WWOX: variants seen among roughly 807,000 people sequenced by gnomAD.
WWOX encodes WW domain-containing oxidoreductase.
In WWOX, 69 loss-of-function variants were observed where a neutral mutation model predicts 46.2. The observed-to-expected ratio is 1.49, with a 90% CI of 1.23 to 1.82. The LOEUF (loss-of-function observed/expected upper bound fraction) is 1.82, where lower values mean the gene tolerates loss of function less well. Among genes scored for constraint, WWOX ranks in the 40% most tolerant of loss-of-function variants. The pLI is 0.00. For missense variants in WWOX, 919 were observed against 542.6 expected (o/e 1.69, Z -6.89); for synonymous variants, 359 against 202.6 (o/e 1.77, Z -6.56).
At chr16:78,727,118 G>C (rs779190655) in intron 8 of WWOX, among the ~76,000 whole-genome samples, 1 of 152,222 alleles carries the variant, frequency 6.6e-6, no homozygotes, top group Non-Finnish European at 1.5e-5. Context: ...ATGAGGCCCA[G>C]TGGGGCACAG....
At chr16:78,318,435 G>C (rs1289526006) in intron 5 of WWOX, among the ~76,000 whole-genome samples, 2 of 151,856 alleles carry the variant, frequency 1.3e-5, no homozygotes, top group African/African-American at 4.8e-5. Context: ...GCGCAATTCT[G>C]TCAAAAATAA....
intron 8 of WWOX, among the ~76,000 whole-genome samples, chr16:78,680,700 C>T (rs139743803): frequency 2.0e-5 from 3 of 152,338 alleles, no homozygotes; most frequent in African/African-American, 4.8e-5. Context: ...GTGGCTCCCA[C>T]TGTGGGTAGC....
intron 8 of WWOX, among the ~76,000 whole-genome samples, chr16:78,974,014 A>G (rs1035485350): frequency 2.6e-5 from 4 of 152,228 alleles, no homozygotes; most frequent in Non-Finnish European, 5.9e-5. Context: ...CACAAAACTC[A>G]TGCAACATTT....
At chr16:78,668,562 G>A (rs192937865) in intron 8 of WWOX, among the ~76,000 whole-genome samples, 36 of 152,296 alleles carry the variant, frequency 2.4e-4, no homozygotes, top group Non-Finnish European at 3.7e-4. Flanking sequence ...GGCAAGGGGC[G>A]TGACAAAGTT....
intron 5 of WWOX, among the ~76,000 whole-genome samples, chr16:78,366,739 A>T (rs2081543728): frequency 6.6e-6 from 1 of 152,164 alleles, no homozygotes; most frequent in African/African-American, 2.4e-5. Flanking sequence ...CCCTTTAGAG[A>T]AAAGGTTTTC....
At chr16:78,864,888 G>A (rs552334956) in intron 8 of WWOX, among the ~76,000 whole-genome samples, 3 of 146,544 alleles carry the variant, frequency 2.0e-5, no homozygotes, top group South Asian at 4.4e-4. Flanking sequence ...TCAGCCCCCC[G>A]AGTAGCTGGG....
intron 4 of WWOX, among the ~76,000 whole-genome samples, chr16:78,132,970 C>G (rs2033655104): frequency 1.3e-5 from 2 of 152,182 alleles, no homozygotes; most frequent in African/African-American, 4.8e-5. Flanking sequence ...ATTTTACATT[C>G]TGTCAAGGCT....
intron 8 of WWOX, among the ~76,000 whole-genome samples, chr16:78,546,044 C>G (rs562238609): frequency 8.5e-5 from 13 of 152,240 alleles, no homozygotes; most frequent in Admixed American, 3.9e-4. Flanking sequence ...ATGCTCTATG[C>G]TGGGCACAAG....
At chr16:78,992,328 G>A (rs1360054327) in intron 8 of WWOX, among the ~76,000 whole-genome samples, 1 of 151,952 alleles carries the variant, frequency 6.6e-6, no homozygotes, top group Non-Finnish European at 1.5e-5. Flanking sequence ...TTAGCCAGGT[G>A]TGGTGGTGGG....
intron 8 of WWOX, among the ~76,000 whole-genome samples, chr16:79,208,457 A>G (rs1192524661): frequency 6.6e-6 from 1 of 152,174 alleles, no homozygotes; most frequent in Non-Finnish European, 1.5e-5. Context: ...ATTTATCACA[A>G]TGGATCAGTA....
chr16:78,706,356 C>G (rs2048328409), intron 8 of WWOX, among the ~76,000 whole-genome samples: 1 of 152,078 alleles, frequency 6.6e-6, no homozygotes, highest in South Asian at 2.1e-4. Context: ...GCCATCTTCT[C>G]TCTCTGCTGT....
chr16:78,501,619 C>G (rs1052568308), intron 8 of WWOX, among the ~76,000 whole-genome samples: 3 of 151,958 alleles, frequency 2.0e-5, no homozygotes, highest in Non-Finnish European at 2.9e-5. Context: ...TCACTGCAAC[C>G]TCTGTCTCCT....
At chr16:78,996,857 C>T (rs8060242) in intron 8 of WWOX, among the ~76,000 whole-genome samples, 151,472 of 152,336 alleles carry the variant, frequency 0.99, 75,309 homozygotes, top group East Asian at 1. Context: ...GCCTCCGACA[C>T]ATGTGCCATA....
rs556150288 is a variant in WWOX, at chr16:78,301,444, G to A, written c.517-85416G>A. ...TTTTTCATACTTTTCTTTCATTGAG[G>A]AAACTTATTGTTTTGTACATTTTGT... On this transcript the variant is annotated intron_variant, in intron 5 of 8. Transcript: ENST00000566780. Among the ~76,000 whole-genome samples the A allele has an allele frequency of 2.0e-5, 3 of 152,126 alleles. No individual in the cohort carries two copies. The South Asian group carries it at 6.3e-4, about 32-fold the overall frequency.
chr16:79,076,160 A>T (rs912454405), intron 8 of WWOX, among the ~76,000 whole-genome samples: 1 of 152,246 alleles, frequency 6.6e-6, no homozygotes, highest in African/African-American at 2.4e-5. Flanking sequence ...AAGGAATATT[A>T]TGAGGCACAT....
At position 79,212,013 on chromosome 16, in the gene WWOX, G is replaced by T; in HGVS notation, c.*217G>T. ...CTTTTCTGGGGCTGGGCTAGGCATA[G>T]GTCTCTTTGCTTTCTGGTGGTGGCC... On this transcript the variant is annotated 3_prime_UTR_variant, in exon 9 of 9. Transcript: ENST00000566780. 6.5e-7 allele frequency: 1 copy of T among 1,536,272 alleles called. No homozygotes were observed. Among genetic ancestry groups the T allele is most frequent in the Non-Finnish European group, 8.7e-7 (1 of 1,146,932 alleles).
intron 8 of WWOX, among the ~76,000 whole-genome samples, chr16:78,474,834 T>C (rs1036812074): frequency 6.6e-6 from 1 of 152,228 alleles, no homozygotes; most frequent in African/African-American, 2.4e-5. Context: ...TCACACGATA[T>C]GTGGTTCTTT....
At chr16:78,711,250 T>A (rs898731331) in intron 8 of WWOX, among the ~76,000 whole-genome samples, 1 of 152,140 alleles carries the variant, frequency 6.6e-6, no homozygotes, top group Admixed American at 6.5e-5. Context: ...ATGTTCAAAG[T>A]GATGTGGATG....
At chr16:78,486,627 T>G (rs903162283) in intron 8 of WWOX, among the ~76,000 whole-genome samples, 1 of 151,128 alleles carries the variant, frequency 6.6e-6, no homozygotes, top group Admixed American at 6.6e-5. Context: ...CAGGCTGGAG[T>G]GTAGTGGTGT....
Sources: gnomAD v4.1 joint callset for allele counts (sites outside exome capture counted in the v4.1 genomes callset) on GRCh38, gnomAD v4.1.1 for gene constraint, MANE v1.5 for transcripts, NCBI Gene and HGNC (gene_info 2026-07-23, HGNC 2026-07-21) for gene names.